Variants in TJP1 observed in about 807,000 individuals in gnomAD.
The protein encoded by TJP1 is tight junction protein 1.
A neutral mutation model predicts 194.2 loss-of-function variants in TJP1; 43 were observed. The ratio of observed to expected loss-of-function variants is 0.22; its 90% CI spans 0.17 to 0.29. The LOEUF (loss-of-function observed/expected upper bound fraction) is 0.29, where lower values mean the gene tolerates loss of function less well. Ranked by LOEUF, TJP1 falls within the 10% of genes least tolerant of loss-of-function variation. The probability of loss-of-function intolerance (pLI) is 1.00; values close to 1 mark genes in which losing one functional copy is unlikely to be tolerated. For synonymous variants in TJP1, 801 were observed against 779.0 expected, an observed-to-expected ratio of 1.03 and a Z score of -0.47; for missense variants, 1,971 against 2,185.7, an observed-to-expected ratio of 0.90 and a Z score of 1.96.
chr15:29,886,616 A>T (rs77004032), intron 2 of TJP1, among the ~76,000 whole-genome samples: 2 of 151,312 alleles, frequency 1.3e-5, no homozygotes, highest in African/African-American at 4.9e-5. Flanking sequence ...AAAAAAAAGT[A>T]GGTCAATACT....
intron 11 of TJP1, among the ~76,000 whole-genome samples, chr15:29,735,588 GAA>G (rs79594334): frequency 1.5e-3 from 137 of 91,624 alleles, no homozygotes; most frequent in Non-Finnish European, 2.3e-3. Flanking sequence ...CTGTCTCAAG[GAA>G]AAAAAAAAAA....
In TJP1 at chr15:29,741,410, C is replaced by T; in HGVS notation, c.1177G>A (p.Gly393Arg). The T allele has an allele frequency of 6.2e-7, 1 of 1,604,106 alleles. No individual in the cohort carries two copies. Among genetic ancestry groups the T allele is most frequent in the Non-Finnish European group, 8.5e-7 (1 of 1,176,752 alleles). Residue 393 changes from glycine (G) to arginine (R), a missense_variant, in exon 10 of 28, where the codon GGG (glycine) becomes AGG (arginine). Physicochemically the swap from Gly to Arg is moderately radical, Grantham distance 125. Around this residue, in one of 5 missense-constraint regions of TJP1, gnomAD observed 192 missense variants for 182.3 expected, o/e 1.05. Coordinates refer to ENST00000614355, the MANE Select transcript of TJP1 (RefSeq NM_001330239.4). Reference protein sequence around the residue: ...PEPKPVYAQVGQPDVDLPVSP... With the variant: ...PEPKPVYAQVRQPDVDLPVSP... ...ACAGGTAAATCCACATCTGGTTGCC[C>T]AACTTGGGCATACACAGGCTTTGGT...
At chr15:29,727,097 A>G in intron 16 of TJP1, 106 bp from the exon 17 acceptor site, 1 of 992,306 alleles carries the variant, frequency 1.0e-6, no homozygotes, top group South Asian at 1.6e-5. Context: ...TAATCCTAGC[A>G]CTTTGGGAGG....
chr15:29,831,609 G>T (rs2050839250), intron 2 of TJP1, among the ~76,000 whole-genome samples: 1 of 152,188 alleles, frequency 6.6e-6, no homozygotes, highest in African/African-American at 2.4e-5. Context: ...AAATGGGACT[G>T]CTGTGGATTT....
chr15:29,951,396 G>A (rs2055747770), intron 2 of TJP1, among the ~76,000 whole-genome samples: 1 of 152,006 alleles, frequency 6.6e-6, no homozygotes, highest in South Asian at 2.1e-4. Flanking sequence ...TCGAACTCCT[G>A]ACCTCAGAAG....
chr15:29,871,543 G>A (rs904812934), intron 2 of TJP1, among the ~76,000 whole-genome samples: 1 of 152,218 alleles, frequency 6.6e-6, no homozygotes, highest in Admixed American at 6.5e-5. Context: ...AAAGCTTGCC[G>A]TGGGAGAGGC....
At chr15:29,877,445 G>A (rs11858006) in intron 2 of TJP1, among the ~76,000 whole-genome samples, 14,844 of 151,890 alleles carry the variant, frequency 0.098, 834 homozygotes, top group South Asian at 0.18. Flanking sequence ...TCAGACTCCT[G>A]GGCTCAAGCA....
chr15:29,725,109 G>A (rs1261650709), intron 18 of TJP1, among the ~76,000 whole-genome samples: 1 of 152,176 alleles, frequency 6.6e-6, no homozygotes. Flanking sequence ...ATCCTTTCAA[G>A]TGCTGCAAAA....
intron 2 of TJP1, among the ~76,000 whole-genome samples, chr15:29,894,063 G>C (rs1033385401): frequency 6.6e-6 from 1 of 152,160 alleles, no homozygotes; most frequent in African/African-American, 2.4e-5. Flanking sequence ...GTTTTTACTG[G>C]TGATTTCATT....
chr15:29,819,114 G>A (rs1002448109), intron 1 of TJP1, among the ~76,000 whole-genome samples: 3 of 151,964 alleles, frequency 2.0e-5, no homozygotes, highest in Admixed American at 2.0e-4. Flanking sequence ...TTTCAATCTA[G>A]GTACATACAT....
intron 2 of TJP1, among the ~76,000 whole-genome samples, chr15:29,949,838 T>A (rs866635623): frequency 0.089 from 1,628 of 18,340 alleles, 1 homozygote; most frequent in Non-Finnish European, 0.094. Flanking sequence ...CACCACCACC[T>A]CCACAACCAC....
Position 29,925,482 on chromosome 15 carries a change from C to T in TJP1, c.306+30750G>A, listed in dbSNP as rs142476098. On this transcript the variant is annotated intron_variant, in intron 2 of 28. Transcript: ENST00000356107. ...GCTACTCCTCTTCTTCTCCTGGTTA[C>T]TCAAGAAAGCTACTCAGTACTTCCA... 1.3e-3 allele frequency among the ~76,000 whole-genome samples: 194 copies of T among 152,332 alleles called. 4 individuals are homozygous for T. The East Asian group carries it at 0.031, about 24-fold the overall frequency.
intron 2 of TJP1, among the ~76,000 whole-genome samples, chr15:29,829,015 G>A (rs547221372): frequency 6.6e-6 from 1 of 152,232 alleles, no homozygotes; most frequent in Non-Finnish European, 1.5e-5. Context: ...GCCTCCCTAA[G>A]TGCTGAGATT....
chr15:29,765,923 C>T (rs142945921), intron 5 of TJP1, among the ~76,000 whole-genome samples: 29 of 152,122 alleles, frequency 1.9e-4, no homozygotes, highest in African/African-American at 6.5e-4. Context: ...AACAACACTC[C>T]CAAGATTTCT....
chr15:29,909,019 T>G (rs180939442), intron 2 of TJP1, among the ~76,000 whole-genome samples: 2,052 of 150,188 alleles, frequency 0.014, 40 homozygotes, highest in Middle Eastern at 0.035. Flanking sequence ...TATCCGGGTG[T>G]GGTGGTGGGC....
At position 29,766,270 on chromosome 15, in the gene TJP1, A is replaced by G; in HGVS notation, c.585T>C (p.Asn195=). The G allele has an allele frequency of 2.5e-6, 4 of 1,606,938 alleles. No homozygotes were observed. The highest frequency in any genetic ancestry group is 2.5e-6 in the Non-Finnish European group (3 of 1,177,916). The change falls in exon 5 of 28, where the codon AAT becomes AAC. Residue 195 remains asparagine, a synonymous_variant. Transcript: ENST00000614355. The part of the protein sequence containing the change: ...TKVTLVKSRK[N]EEYGLRLASH... ...GCAAGAGTTGGCAGAGAATACCTTC[A>G]TTTTTCCGGGATTTCACCAGTGTGA...
intron 2 of TJP1, among the ~76,000 whole-genome samples, chr15:29,788,260 T>C (rs1049866328): frequency 2.0e-5 from 3 of 152,294 alleles, no homozygotes; most frequent in Admixed American, 2.0e-4. Context: ...CTGTGGAATA[T>C]CTTCTCACTT....
chr15:29,958,265 G>A (rs888407222), intron 1 of TJP1, among the ~76,000 whole-genome samples: 2 of 149,708 alleles, frequency 1.3e-5, no homozygotes, highest in Non-Finnish European at 3.0e-5. Context: ...GTATTTTCAA[G>A]TGTTCGAAGT....
At chr15:29,789,101 G>A (rs1048600991) in intron 2 of TJP1, among the ~76,000 whole-genome samples, 11 of 151,996 alleles carry the variant, frequency 7.2e-5, no homozygotes, top group African/African-American at 2.7e-4. Context: ...CTATTATAAA[G>A]TTAGTTTCAC....
Sources: allele counts gnomAD v4.1 joint callset (sites outside exome capture counted in the v4.1 genomes callset), GRCh38; gene constraint gnomAD v4.1.1; regional missense constraint gnomAD v4.1.1; transcripts MANE v1.5; gene names NCBI Gene and HGNC (gene_info 2026-07-23, HGNC 2026-07-21).